Variants in LUZP2 observed in about 807,000 individuals in gnomAD.
The protein encoded by LUZP2 is leucine zipper protein 2.
A neutral mutation model predicts 51.6 loss-of-function variants in LUZP2; 52 were observed. The observed-to-expected ratio is 1.01, with a 90% CI of 0.81 to 1.27. The LOEUF is 1.27. LUZP2 is among the 50% of genes most tolerant of loss of function. The pLI is 0.00. For synonymous variants in LUZP2, 154 were observed against 137.3 expected, an observed-to-expected ratio of 1.12 and a Z score of -0.85; for missense variants, 436 against 395.4, an observed-to-expected ratio of 1.10 and a Z score of -0.87.
At chr11:24,627,185 T>C (rs1187241232) in intron 1 of LUZP2, among the ~76,000 whole-genome samples, 1 of 152,200 alleles carries the variant, frequency 6.6e-6, no homozygotes, top group Non-Finnish European at 1.5e-5. Context: ...GATGTTTCTT[T>C]ATGGGAAATA....
intron 1 of LUZP2, among the ~76,000 whole-genome samples, chr11:24,703,256 G>A (rs1857469832): frequency 6.6e-6 from 1 of 152,046 alleles, no homozygotes; most frequent in Non-Finnish European, 1.5e-5. Context: ...AATTAACCTG[G>A]GAGTATCCAA....
intron 4 of LUZP2, 65 bp from the exon 5 acceptor site, chr11:24,763,169 CAAAATAATGAAA>C: frequency 1.5e-6 from 1 of 678,476 alleles, no homozygotes; most frequent in Non-Finnish European, 2.3e-6. Context: ...TATTATTTCT[CAAAATAATGAAA>C]AAAATAATGA....
At chr11:24,607,335 TTA>T (rs1476264730) in intron 1 of LUZP2, among the ~76,000 whole-genome samples, 1 of 139,710 alleles carries the variant, frequency 7.2e-6, no homozygotes, top group Non-Finnish European at 1.5e-5. Flanking sequence ...GATGGGGATA[TTA>T]TGTCTTTTTT....
chr11:25,044,885 AATG>A (rs1190194466), intron 9 of LUZP2, among the ~76,000 whole-genome samples: 1 of 152,062 alleles, frequency 6.6e-6, no homozygotes, highest in Non-Finnish European at 1.5e-5. Flanking sequence ...AGCCATGAAA[AATG>A]ATAAGATCAT....
At position 24,905,700 on chromosome 11, in the gene LUZP2, C is replaced by CT. The variant is rs201254313; in HGVS notation, c.397-282dup. On this transcript the variant is annotated intron_variant, in intron 5 of 11. Coordinates refer to ENST00000336930, the MANE Select transcript of LUZP2 (RefSeq NM_001009909.4). ...ACACCCACGCACAAAATTAAATTAA[C>CT]TTTTTTTTTCAAAAACGAAATCATA... 1.1e-4 allele frequency among the ~76,000 whole-genome samples: 16 copies of CT among 151,622 alleles called. No homozygotes were observed. The South Asian group carries it at 2.1e-3, about 20-fold the overall frequency.
rs552543087 is a variant in LUZP2, at chr11:24,535,893, T to G, written c.62+38588T>G. Among the ~76,000 whole-genome samples the G allele has an allele frequency of 1.1e-4, 17 of 151,836 alleles. No individual in the cohort carries two copies. In the South Asian group the frequency reaches 1.7e-3, roughly 15 times the overall value. On this transcript the variant is annotated intron_variant, in intron 1 of 11. Coordinates refer to ENST00000336930, the MANE Select transcript of LUZP2 (RefSeq NM_001009909.4). ...GAATCACTGTCTATGGCAATTATAGTCTTATAAAATGTTTTTTTTAAATAA... is the reference window on the plus strand; with the variant it reads ...GAATCACTGTCTATGGCAATTATAGGCTTATAAAATGTTTTTTTTAAATAA...
chr11:24,950,630 T>C (rs899442684), intron 7 of LUZP2, among the ~76,000 whole-genome samples: 2 of 151,600 alleles, frequency 1.3e-5, no homozygotes, highest in East Asian at 3.9e-4. Flanking sequence ...AGCTAATGAA[T>C]TGCATTATAA....
At chr11:24,558,762 G>A (rs1387514569) in intron 1 of LUZP2, among the ~76,000 whole-genome samples, 1 of 152,012 alleles carries the variant, frequency 6.6e-6, no homozygotes, top group African/African-American at 2.4e-5. Flanking sequence ...TTTGCTCTTT[G>A]ATTCTTCTGC....
At chr11:24,822,905 T>A (rs560916549) in intron 5 of LUZP2, among the ~76,000 whole-genome samples, 13 of 152,336 alleles carry the variant, frequency 8.5e-5, no homozygotes, top group African/African-American at 2.9e-4. Context: ...ATTTTCTTCA[T>A]TTTTTCTATA....
intron 1 of LUZP2, among the ~76,000 whole-genome samples, chr11:24,659,072 T>G (rs1368451748): frequency 6.6e-6 from 1 of 152,188 alleles, no homozygotes; most frequent in African/African-American, 2.4e-5. Flanking sequence ...CATTACTGGG[T>G]GTATACCCAA....
At chr11:24,779,343 G>A (rs1233486782) in intron 5 of LUZP2, among the ~76,000 whole-genome samples, 1 of 152,028 alleles carries the variant, frequency 6.6e-6, no homozygotes, top group Admixed American at 6.6e-5. Context: ...AAATGTCATG[G>A]GTAGTAAGAA....
At chr11:24,497,602 T>C (rs1849866267) in intron 1 of LUZP2, among the ~76,000 whole-genome samples, 2 of 152,086 alleles carry the variant, frequency 1.3e-5, no homozygotes, top group Non-Finnish European at 2.9e-5. Context: ...AGCCAAAAGG[T>C]AACACGCGGT....
At chr11:24,856,684 A>T (rs947819227) in intron 5 of LUZP2, among the ~76,000 whole-genome samples, 1 of 152,128 alleles carries the variant, frequency 6.6e-6, no homozygotes, top group African/African-American at 2.4e-5. Context: ...AGAAGTGTCC[A>T]TCAATGGATA....
At chr11:24,527,108 T>G (rs1047702115) in intron 1 of LUZP2, among the ~76,000 whole-genome samples, 2 of 151,430 alleles carry the variant, frequency 1.3e-5, no homozygotes, top group African/African-American at 2.4e-5. Context: ...GGGATTCTCT[T>G]AGCCAGGTTT....
intron 3 of LUZP2, among the ~76,000 whole-genome samples, chr11:24,733,214 A>G (rs1194485106): frequency 6.6e-6 from 1 of 151,876 alleles, no homozygotes; most frequent in African/African-American, 2.4e-5. Flanking sequence ...TATTATTTAT[A>G]GTGACATGTT....
intron 9 of LUZP2, among the ~76,000 whole-genome samples, chr11:24,997,717 T>C (rs1856551278): frequency 1.3e-5 from 2 of 152,160 alleles, no homozygotes; most frequent in Non-Finnish European, 2.9e-5. Context: ...TGAATGGTAA[T>C]GCCTAGGTTT....
chr11:24,992,967 A>G (rs1199377623), intron 9 of LUZP2, among the ~76,000 whole-genome samples: 2 of 152,274 alleles, frequency 1.3e-5, no homozygotes, highest in Non-Finnish European at 2.9e-5. Flanking sequence ...AAGTGAAAAG[A>G]TTCAAAATAT....
At chr11:24,540,608 T>C (rs1339669397) in intron 1 of LUZP2, among the ~76,000 whole-genome samples, 1 of 152,110 alleles carries the variant, frequency 6.6e-6, no homozygotes, top group Non-Finnish European at 1.5e-5. Flanking sequence ...AACCACTCAG[T>C]GTGTGGTATT....
intron 4 of LUZP2, chr11:24,751,687 C>A: frequency 2.7e-6 from 1 of 367,880 alleles, no homozygotes; most frequent in Non-Finnish European, 3.7e-6. Context: ...GTACCCATTG[C>A]CACACAGAGC....
Sources: gnomAD v4.1 joint callset for allele counts (sites outside exome capture counted in the v4.1 genomes callset) on GRCh38, gnomAD v4.1.1 for gene constraint, MANE v1.5 for transcripts, NCBI Gene and HGNC (gene_info 2026-07-23, HGNC 2026-07-21) for gene names.